KCNC2: variants seen among roughly 807,000 people sequenced by gnomAD.
KCNC2 encodes voltage-gated potassium channel KCNC2.
In KCNC2, 21 loss-of-function variants were observed where a neutral mutation model predicts 44.5. The observed-to-expected ratio is 0.47, with a 90% confidence interval of 0.33 to 0.68. KCNC2 has a LOEUF of 0.68. Among genes scored for constraint, KCNC2 ranks in the 30% least tolerant of loss-of-function variants. The pLI is 0.01. For synonymous variants in KCNC2, 391 were observed against 339.1 expected (o/e 1.15, Z -1.68); for missense variants, 589 against 826.2 (o/e 0.71, Z 3.52).
chr12:75,094,447 C>G (rs1437721462), intron 2 of KCNC2, among the ~76,000 whole-genome samples: 1 of 151,606 alleles, frequency 6.6e-6, no homozygotes, highest in African/African-American at 2.4e-5. Context: ...TGCTTATACA[C>G]AAGTACATCC....
At chr12:75,186,559 A>G (rs1001928302) in intron 2 of KCNC2, among the ~76,000 whole-genome samples, 1 of 152,218 alleles carries the variant, frequency 6.6e-6, no homozygotes, top group Non-Finnish European at 1.5e-5. Context: ...CTATGAAACA[A>G]TTATTCAAGG....
chr12:75,134,043 A>G (rs1186525700), intron 2 of KCNC2, among the ~76,000 whole-genome samples: 2 of 151,994 alleles, frequency 1.3e-5, no homozygotes, highest in Non-Finnish European at 2.9e-5. Context: ...GTATTCTGAT[A>G]TACAACATGT....
intron 2 of KCNC2, among the ~76,000 whole-genome samples, chr12:75,064,172 A>G (rs1026966608): frequency 2.0e-5 from 3 of 152,114 alleles, no homozygotes; most frequent in Non-Finnish European, 1.5e-5. Flanking sequence ...CATGTCATGT[A>G]ATCTCAATTA....
chr12:75,102,811 C>A (rs1336860464), intron 2 of KCNC2, among the ~76,000 whole-genome samples: 1 of 151,844 alleles, frequency 6.6e-6, no homozygotes, highest in Non-Finnish European at 1.5e-5. Flanking sequence ...AATACATCTC[C>A]CCCCCACCCA....
At chr12:75,086,679 A>ATATATATATATAT (rs1555208205) in intron 2 of KCNC2, among the ~76,000 whole-genome samples, 2 of 29,794 alleles carry the variant, frequency 6.7e-5, no homozygotes, top group East Asian at 1.0e-3. Flanking sequence ...AAAAAAAAAA[A>ATATATATATATAT]AAATATATAT....
At chr12:75,179,009 A>G (rs1040694147) in intron 2 of KCNC2, among the ~76,000 whole-genome samples, 8 of 152,098 alleles carry the variant, frequency 5.3e-5, no homozygotes, top group African/African-American at 1.9e-4. Context: ...AACAAACAAA[A>G]CAGTAGAAGG....
rs1879884907 is a variant in KCNC2 at position 75,041,373 on chromosome 12, C to G, written c.*1732G>C. The G allele has an allele frequency of 1.4e-6, 2 of 1,436,040 alleles. No homozygotes were observed. The highest frequency in any genetic ancestry group is 2.6e-5 in the East Asian group (1 of 38,680). 89.0% of individuals were successfully genotyped at this position (1,436,040 alleles called of 1,614,324 possible). A position where few individuals can be genotyped will look rare whatever the true frequency, so the allele number is the denominator to read the frequency against. Reference sequence around the variant, plus strand: ...ATTGCTGTACAACATCTCCAACATGCAGGTCATGCTCTAGGACTTGGGGAT... The same window carrying G: ...ATTGCTGTACAACATCTCCAACATGGAGGTCATGCTCTAGGACTTGGGGAT... On this transcript the variant is annotated 3_prime_UTR_variant, in exon 5 of 5. Coordinates refer to ENST00000549446, the MANE Select transcript of KCNC2 (RefSeq NM_139137.4).
intron 2 of KCNC2, among the ~76,000 whole-genome samples, chr12:75,114,949 C>A (rs1472484587): frequency 6.6e-6 from 1 of 150,696 alleles, no homozygotes; most frequent in Admixed American, 6.6e-5. Flanking sequence ...CTGCAGGCTC[C>A]GCCCCCCGGG....
At chr12:75,099,411 C>A (rs555042620) in intron 2 of KCNC2, among the ~76,000 whole-genome samples, 1 of 152,280 alleles carries the variant, frequency 6.6e-6, no homozygotes, top group Non-Finnish European at 1.5e-5. Context: ...AGCTGTGTAT[C>A]AGTCATTCTT....
At chr12:75,206,137 T>C (rs566950530) in intron 2 of KCNC2, among the ~76,000 whole-genome samples, 1 of 152,312 alleles carries the variant, frequency 6.6e-6, no homozygotes, top group South Asian at 2.1e-4. Flanking sequence ...ACGTCTCAGA[T>C]GCAGACACTT....
intron 2 of KCNC2, among the ~76,000 whole-genome samples, chr12:75,143,967 A>C (rs370074924): frequency 6.6e-6 from 1 of 152,194 alleles, no homozygotes; most frequent in Non-Finnish European, 1.5e-5. Flanking sequence ...ATGATGCACA[A>C]AAGGTAAAGA....
intron 2 of KCNC2, among the ~76,000 whole-genome samples, chr12:75,117,704 C>T (rs1419699257): frequency 1.3e-5 from 2 of 152,052 alleles, no homozygotes; most frequent in South Asian, 2.1e-4. Context: ...ATATATTACA[C>T]ATATTTATTC....
chr12:75,106,390 T>C (rs1291788295), intron 2 of KCNC2, among the ~76,000 whole-genome samples: 1 of 152,152 alleles, frequency 6.6e-6, no homozygotes, highest in Non-Finnish European at 1.5e-5. Flanking sequence ...AACCACCATA[T>C]GATTCTATGC....
chr12:75,042,898 T>C lies in KCNC2; in HGVS notation c.*207A>G. On this transcript the variant is annotated 3_prime_UTR_variant, in exon 5 of 5. Coordinates refer to ENST00000549446, the MANE Select transcript of KCNC2 (RefSeq NM_139137.4). ...TCAGGGCAATTAATAGGAGGGATCT[T>C]AGCACTACTTTAGACAATCTTTAAA... The C allele has an allele frequency of 1.5e-6, 2 of 1,364,880 alleles. No individual in the cohort carries two copies. The highest frequency in any genetic ancestry group is 1.9e-6 in the Non-Finnish European group (2 of 1,061,536). The allele number at this position is 1,364,880 out of a possible 1,614,324, so 84.5% of individuals were successfully genotyped here.
intron 2 of KCNC2, among the ~76,000 whole-genome samples, chr12:75,147,624 G>T (rs1890115537): frequency 6.6e-6 from 1 of 152,118 alleles, no homozygotes; most frequent in Non-Finnish European, 1.5e-5. Context: ...AAATAAATAG[G>T]ATAGGGAAAA....
intron 2 of KCNC2, among the ~76,000 whole-genome samples, chr12:75,117,136 C>G (rs1887717534): frequency 6.6e-6 from 1 of 151,968 alleles, no homozygotes; most frequent in African/African-American, 2.4e-5. Context: ...GAAATAACTT[C>G]CAGATTTAAT....
chr12:75,190,169 A>G (rs888213077), intron 2 of KCNC2, among the ~76,000 whole-genome samples: 1 of 152,194 alleles, frequency 6.6e-6, no homozygotes, highest in African/African-American at 2.4e-5. Flanking sequence ...ATCCATGGTT[A>G]TACAACTACT....
intron 2 of KCNC2, among the ~76,000 whole-genome samples, chr12:75,119,732 C>G (rs1478997659): frequency 6.6e-6 from 1 of 152,168 alleles, no homozygotes; most frequent in Non-Finnish European, 1.5e-5. Flanking sequence ...CTTTCCGTAT[C>G]TGAAAGTTTT....
intron 2 of KCNC2, among the ~76,000 whole-genome samples, chr12:75,138,290 TCTCACTTTCTTAATCATC>T (rs1415139185): frequency 1.3e-5 from 2 of 152,186 alleles, no homozygotes; most frequent in Non-Finnish European, 2.9e-5. Context: ...CACTGATTGT[TCTCACTTTCTTAATCATC>T]AGCCTTAAAA....
Sources: allele counts gnomAD v4.1 joint callset (sites outside exome capture counted in the v4.1 genomes callset), GRCh38; gene constraint gnomAD v4.1.1; transcripts MANE v1.5; gene names NCBI Gene and HGNC (gene_info 2026-07-23, HGNC 2026-07-21).